The following DERA variants were observed in gnomAD, a reference collection of about 807,000 sequenced individuals.
DERA encodes the protein 2-deoxy-D-ribose 5-phosphate aldolase.
Under a neutral mutation model 41.1 loss-of-function variants are expected in DERA, and 15 were observed. The observed-to-expected ratio is 0.37, with a 90% CI of 0.24 to 0.56. The LOEUF is 0.56. Among genes scored for constraint, DERA ranks in the 20% least tolerant of loss-of-function variants. DERA has a pLI of 0.81. For missense variants in DERA, 396 were observed against 403.4 expected (o/e 0.98, Z 0.16); for synonymous variants, 139 against 137.4 (o/e 1.01, Z -0.08).
rs1471949368 is a variant in DERA at position 15,928,240 on chromosome 12, A to G, written c.31+16826A>G. Among the ~76,000 whole-genome samples the G allele has an allele frequency of 2.0e-5, 3 of 152,196 alleles. No homozygotes were observed. The highest frequency in any genetic ancestry group is 4.8e-5 in the African/African-American group (2 of 41,440). ...GATCTCAAAGACTTACTTTTCTTGT[A>G]TGACTGAAACTTTGTACCCTTTGAC... is the stretch of plus-strand genomic sequence containing the variant. On this transcript the variant is annotated intron_variant, in intron 1 of 8. Transcript: ENST00000428559. This position sits in a 1 kb window ranked among gnomAD's most constrained non-coding sequence, Gnocchi z 4.6.
At chr12:16,027,929 G>A (rs1008780833) in intron 6 of DERA, among the ~76,000 whole-genome samples, 1 of 152,230 alleles carries the variant, frequency 6.6e-6, no homozygotes, top group Admixed American at 6.5e-5. Context: ...TCTAGCAGCA[G>A]TGTACAATTG....
At chr12:16,007,219 T>G (rs1412653982) in intron 6 of DERA, among the ~76,000 whole-genome samples, 1 of 148,946 alleles carries the variant, frequency 6.7e-6, no homozygotes, top group Non-Finnish European at 1.5e-5. Context: ...GGTCTCACCC[T>G]GTTGCGCAGG....
Position 15,993,887 on chromosome 12 carries a change from C to G in DERA, c.637+11451C>G, listed in dbSNP as rs1253556171. Among the ~76,000 whole-genome samples the G allele has an allele frequency of 1.3e-5, 2 of 152,162 alleles. No individual in the cohort carries two copies. Among genetic ancestry groups the G allele is most frequent in the African/African-American group, 4.8e-5 (2 of 41,432 alleles). On this transcript the variant is annotated intron_variant, in intron 6 of 8. Transcript: ENST00000428559. The surrounding 1 kb of genome is among the most constrained non-coding windows in gnomAD (Gnocchi z 4.4). The stretch of plus-strand genomic sequence containing the variant: ...GAACTACTGATGGTGTATTTTGGTA[C>G]ATGCATATCCTTTTAAAGAAAAGGT...
chr12:15,947,863 C>T lies in DERA; in HGVS notation c.32-9073C>T, dbSNP rs528113094. Among the ~76,000 whole-genome samples, 19 of 152,278 alleles carry T rather than the reference C, an allele frequency of 1.2e-4. No individual in the cohort carries two copies. The East Asian group carries it at 2.7e-3, about 22-fold the overall frequency. The stretch of plus-strand genomic sequence containing the variant: ...GGCTGGTACCGGTTGTTCCTTTCCA[C>T]ATTTAGTGCTTCCTTCAGGAGCTCT... On this transcript the variant is annotated intron_variant, in intron 1 of 8. Coordinates refer to ENST00000428559, the MANE Select transcript of DERA (RefSeq NM_015954.4).
At chr12:15,932,415 C>T (rs993954705) in intron 1 of DERA, among the ~76,000 whole-genome samples, 3 of 151,926 alleles carry the variant, frequency 2.0e-5, no homozygotes, top group Non-Finnish European at 4.4e-5. Context: ...TTTGGGAGGT[C>T]GAGGAGGGAA....
Position 16,035,042 on chromosome 12 carries a change from T to C in DERA, c.751-1190T>C, listed in dbSNP as rs1565620980. Among the ~76,000 whole-genome samples the C allele has an allele frequency of 6.6e-6, 1 of 152,184 alleles. No individual in the cohort carries two copies. On this transcript the variant is annotated intron_variant, in intron 7 of 8. Coordinates refer to ENST00000428559, the MANE Select transcript of DERA (RefSeq NM_015954.4). The surrounding 1 kb of genome is among the most constrained non-coding windows in gnomAD (Gnocchi z 4.1). ...TGCTTAGTTGTGTGACGTTGTGTAA[T>C]TGAGGCAGGGAAACCAGTTAAAAGA...
intron 5 of DERA, among the ~76,000 whole-genome samples, chr12:15,979,659 G>C (rs780627983): frequency 1.7e-4 from 26 of 152,198 alleles, no homozygotes; most frequent in Non-Finnish European, 3.1e-4. Flanking sequence ...AAATAGGCCA[G>C]TAAAATGATT....
intron 3 of DERA, 52 bp downstream of exon 3, chr12:15,958,387 T>C: frequency 1.4e-6 from 2 of 1,434,998 alleles, no homozygotes; most frequent in African/African-American, 1.4e-5. Context: ...CAATACTGAT[T>C]ACTAAATCAA....
At position 15,984,452 on chromosome 12, in the gene DERA, C is replaced by T. The variant is rs1382586146; in HGVS notation, c.637+2016C>T. Among the ~76,000 whole-genome samples, 1 of 152,134 alleles carries T rather than the reference C, an allele frequency of 6.6e-6. No individual in the cohort carries two copies. The highest frequency in any genetic ancestry group is 1.5e-5 in the Non-Finnish European group (1 of 68,024). On this transcript the variant is annotated intron_variant, in intron 6 of 8. Transcript: ENST00000428559. The surrounding 1 kb of genome is among the most constrained non-coding windows in gnomAD (Gnocchi z 4.5). ...TATCCACTTCATTTCTTCATTTAAG[C>T]AGTGTTTGTTGAGCACTTAGTATGA...
chr12:15,958,442 C>T (rs1948557827), intron 3 of DERA, 107 bp downstream of exon 3: 1 of 818,424 alleles, frequency 1.2e-6, no homozygotes, highest in African/African-American at 1.8e-5. Flanking sequence ...TGATAGAATC[C>T]ATGATAGAAA....
intron 1 of DERA, among the ~76,000 whole-genome samples, chr12:15,919,140 GCTGT>G (rs771869699): frequency 3.4e-4 from 52 of 152,150 alleles, no homozygotes; most frequent in Non-Finnish European, 5.6e-4. Flanking sequence ...AAATGATGAG[GCTGT>G]CTTTTATTAT....
At position 15,984,943 on chromosome 12, in the gene DERA, T is replaced by C. The variant is rs1023558902; in HGVS notation, c.637+2507T>C. ...TTTACAAATTTCTGACTAAATTCTG[T>C]ATTCTACTTCTGTGGTGGTATAAAA... On this transcript the variant is annotated intron_variant, in intron 6 of 8. Coordinates refer to ENST00000428559, the MANE Select transcript of DERA (RefSeq NM_015954.4). This position sits in a 1 kb window ranked among gnomAD's most constrained non-coding sequence, Gnocchi z 4.5. Among the ~76,000 whole-genome samples, 5 of 152,266 alleles carry C rather than the reference T, an allele frequency of 3.3e-5. No homozygotes were observed. Among genetic ancestry groups the C allele is most frequent in the East Asian group, 1.9e-4 (1 of 5,206 alleles).
At chr12:15,932,696 T>A (rs972626202) in intron 1 of DERA, among the ~76,000 whole-genome samples, 2 of 152,180 alleles carry the variant, frequency 1.3e-5, no homozygotes, top group African/African-American at 4.8e-5. Context: ...AGGTGTAATA[T>A]GTGGTGAGAA....
In DERA at chr12:16,021,778, C is replaced by T. The variant is rs3983664; in HGVS notation, c.638-10764C>T. Among the ~76,000 whole-genome samples, 2,719 of 152,222 alleles carry T rather than the reference C, an allele frequency of 0.018. 85 individuals are homozygous for T. The highest frequency in any genetic ancestry group is 0.062 in the African/African-American group (2,594 of 41,514). ...TTTGGGGCTTGTATGAGGCCTATAG[C>T]GCACCCCTCCCCCTTTTTTGGCTGA... On this transcript the variant is annotated intron_variant, in intron 6 of 8. Coordinates refer to ENST00000428559, the MANE Select transcript of DERA (RefSeq NM_015954.4). This position sits in a 1 kb window ranked among gnomAD's most constrained non-coding sequence, Gnocchi z 5.3.
chr12:15,955,231 G>A (rs1460389604), intron 1 of DERA, among the ~76,000 whole-genome samples: 2 of 151,938 alleles, frequency 1.3e-5, no homozygotes, highest in South Asian at 2.1e-4. Context: ...CCCGGGAGGT[G>A]GAGGTTGCAG....
rs1948741260 is a variant in DERA, at chr12:15,982,723, TTA to T, written c.637+289_637+290del. On this transcript the variant is annotated intron_variant, in intron 6 of 8. Coordinates refer to ENST00000428559, the MANE Select transcript of DERA (RefSeq NM_015954.4). This position sits in a 1 kb window ranked among gnomAD's most constrained non-coding sequence, Gnocchi z 4.0. The stretch of plus-strand genomic sequence containing the variant: ...AATTGCCTTCTGTTTTATTCTTTGA[TTA>T]TTCACTCATCAACATATGTTAGACA... Among the ~76,000 whole-genome samples, 1 of 152,250 alleles carries T rather than the reference TTA, an allele frequency of 6.6e-6. No individual in the cohort carries two copies. Among genetic ancestry groups the T allele is most frequent in the Non-Finnish European group, 1.5e-5 (1 of 68,040 alleles).
At chr12:15,919,598 A>G (rs564530404) in intron 1 of DERA, among the ~76,000 whole-genome samples, 4 of 152,300 alleles carry the variant, frequency 2.6e-5, no homozygotes, top group African/African-American at 9.6e-5. Flanking sequence ...ACTTCTCCTC[A>G]GCCTGCCTCA....
In DERA at chr12:15,965,347, A is replaced by G. The variant is rs1311409476; in HGVS notation, c.508+2400A>G. Reference sequence around the variant, plus strand: ...TGTGCAGAATGTGCAGGTTTGTTGCATAGGTAAACGTGTGCCATGGTGGTT... The same window carrying G: ...TGTGCAGAATGTGCAGGTTTGTTGCGTAGGTAAACGTGTGCCATGGTGGTT... On this transcript the variant is annotated intron_variant, in intron 5 of 8. Coordinates refer to ENST00000428559, the MANE Select transcript of DERA (RefSeq NM_015954.4). This position sits in a 1 kb window ranked among gnomAD's most constrained non-coding sequence, Gnocchi z 4.1. Among the ~76,000 whole-genome samples the G allele has an allele frequency of 2.0e-5, 3 of 152,168 alleles. No homozygotes were observed. The highest frequency in any genetic ancestry group is 7.2e-5 in the African/African-American group (3 of 41,450).
chr12:16,017,063 A>C lies in DERA; in HGVS notation c.638-15479A>C, dbSNP rs1157971567. 6.6e-5 allele frequency among the ~76,000 whole-genome samples: 10 copies of C among 152,160 alleles called. No individual in the cohort carries two copies. ...CAGAATCTTCTCCTAGTCAGTAACC[A>C]AGGATTATACAGTCAGAGTCCCCAC... On this transcript the variant is annotated intron_variant, in intron 6 of 8. Transcript: ENST00000428559. The surrounding 1 kb of genome is among the most constrained non-coding windows in gnomAD (Gnocchi z 5.5).
Sources: allele counts gnomAD v4.1 joint callset (sites outside exome capture counted in the v4.1 genomes callset), GRCh38; gene constraint gnomAD v4.1.1; non-coding constraint Gnocchi (gnomAD v3.1); transcripts MANE v1.5; gene names NCBI Gene and HGNC (gene_info 2026-07-23, HGNC 2026-07-21).